PTPRF: variants seen among roughly 807,000 people sequenced by gnomAD.
The protein encoded by PTPRF is receptor-type tyrosine-protein phosphatase F.
A neutral mutation model predicts 201.8 loss-of-function variants in PTPRF; 59 were observed. That is an observed-to-expected ratio of 0.29 (90% CI 0.24 to 0.36). The LOEUF (loss-of-function observed/expected upper bound fraction) is 0.36. Ranked by LOEUF, PTPRF falls within the 10% of genes least tolerant of loss-of-function variation. The probability of loss-of-function intolerance (pLI) is 1.00; values close to 1 mark genes in which losing one functional copy is unlikely to be tolerated. For synonymous variants in PTPRF, 1,088 were observed against 1,089.7 expected, an observed-to-expected ratio of 1.00 and a Z score of 0.03; for missense variants, 2,132 against 2,690.5, an observed-to-expected ratio of 0.79 and a Z score of 4.59.
At chr1:43,552,792 C>T (rs976123903) in intron 3 of PTPRF, among the ~76,000 whole-genome samples, 4 of 151,958 alleles carry the variant, frequency 2.6e-5, no homozygotes, top group Non-Finnish European at 5.9e-5. Context: ...GTCTGAGCCC[C>T]TACCTTTCTT....
chr1:43,523,130 G>A (rs1402546370), upstream of PTPRF, among the ~76,000 whole-genome samples: 1 of 152,220 alleles, frequency 6.6e-6, no homozygotes, highest in Non-Finnish European at 1.5e-5. Context: ...TAGATGGACA[G>A]TGGGGCCACT....
chr1:43,544,802 C>T (rs6691004), intron 2 of PTPRF, among the ~76,000 whole-genome samples: 10,396 of 152,098 alleles, frequency 0.068, 729 homozygotes, highest in African/African-American at 0.18. Context: ...TCTCCCTCCA[C>T]CGTGACTGTT....
intron 20 of PTPRF, 45 bp downstream of exon 20, chr1:43,606,503 C>A (rs1253340348): frequency 2.6e-6 from 4 of 1,555,238 alleles, no homozygotes; most frequent in Admixed American, 1.7e-5. Flanking sequence ...ATTCCCTGGG[C>A]CTGGCCTGAG....
chr1:43,549,869 A>G (rs1644908165), intron 3 of PTPRF, among the ~76,000 whole-genome samples: 1 of 152,066 alleles, frequency 6.6e-6, no homozygotes. Context: ...TCTCAAAAAA[A>G]AAAAAGACTA....
At chr1:43,597,606 GC>G in intron 11 of PTPRF, 141 bp from the exon 12 acceptor site, 1 of 652,800 alleles carries the variant, frequency 1.5e-6, no homozygotes, top group Non-Finnish European at 2.6e-6. Context: ...GCAGCAGCCT[GC>G]CTGGAGGGAC....
At chr1:43,566,163 T>C (rs1031029075) in intron 5 of PTPRF, among the ~76,000 whole-genome samples, 1 of 152,042 alleles carries the variant, frequency 6.6e-6, no homozygotes, top group Non-Finnish European at 1.5e-5. Flanking sequence ...GCCGGCCCTC[T>C]CGCGCGCGGG....
intron 22 of PTPRF, among the ~76,000 whole-genome samples, chr1:43,612,166 A>G (rs1314420332): frequency 1.3e-5 from 2 of 152,134 alleles, no homozygotes; most frequent in Non-Finnish European, 2.9e-5. Context: ...TTAATGAGGT[A>G]GGGCAGTGGG....
intron 7 of PTPRF, among the ~76,000 whole-genome samples, chr1:43,587,237 C>A (rs1488024034): frequency 6.6e-6 from 1 of 152,130 alleles, no homozygotes; most frequent in Non-Finnish European, 1.5e-5. Context: ...TTTGTGCCAG[C>A]TGTTTGTGGA....
At chr1:43,606,592 G>A in intron 20 of PTPRF, 134 bp downstream of exon 20, 2 of 1,108,650 alleles carry the variant, frequency 1.8e-6, no homozygotes, top group Non-Finnish European at 2.6e-6. Context: ...CAGCACTAAA[G>A]ACCCAAGATC....
At chr1:43,531,123 T>TCCGCTCCCGTCCCTTCC (rs1553164654) in intron 1 of PTPRF, 33 bp downstream of exon 1, 1 of 12,674 alleles carries the variant, frequency 7.9e-5, no homozygotes, top group Admixed American at 6.5e-4. Context: ...ACCAGCCCCC[T>TCCGCTCCCGTCCCTTCC]CCGCTCCCGT....
chr1:43,605,073 C>T (rs1429633215), intron 17 of PTPRF, 73 bp downstream of exon 17: 2 of 1,585,394 alleles, frequency 1.3e-6, no homozygotes, highest in African/African-American at 1.3e-5. Flanking sequence ...CCAGTCCTAA[C>T]CCATGTGCAT....
At chr1:43,523,091 G>C (rs577991612), upstream of PTPRF, among the ~76,000 whole-genome samples, 9 of 152,294 alleles carry the variant, frequency 5.9e-5, no homozygotes, top group African/African-American at 2.2e-4. Flanking sequence ...TGCTCTGGAG[G>C]TAAAATGAAC....
intron 1 of PTPRF, among the ~76,000 whole-genome samples, chr1:43,532,104 G>C (rs985780358): frequency 3.3e-5 from 5 of 151,854 alleles, no homozygotes; most frequent in Admixed American, 2.6e-4. Flanking sequence ...CCTCTCCCTG[G>C]GTCTCTGTCT....
At chr1:43,620,613 G>C in intron 31 of PTPRF, 34 bp downstream of exon 31, 5 of 1,605,436 alleles carry the variant, frequency 3.1e-6, no homozygotes, top group Non-Finnish European at 3.4e-6. Context: ...CCATAACGCT[G>C]CCTGTCCACA....
In PTPRF at chr1:43,605,403, G is replaced by A. The variant is rs372991117; in HGVS notation, c.3349G>A (p.Asp1117Asn). 34 of 1,613,430 alleles carry A rather than the reference G, an allele frequency of 2.1e-5. No homozygotes were observed. Among genetic ancestry groups the A allele is most frequent in the African/African-American group, 1.3e-4 (10 of 74,930 alleles). Residue 1117 changes from aspartate (D) to asparagine (N), a missense_variant, in exon 18 of 34, where the codon GAT (aspartate) becomes AAT (asparagine). Asp to Asn is a conservative substitution (Grantham distance 23). Coordinates refer to ENST00000359947, the MANE Select transcript of PTPRF (RefSeq NM_002840.5). The stretch of plus-strand genomic sequence containing the variant: ...TGCCTACATAGAGGACGGCCGCTTC[G>A]ATCTCTCCATGCCCCATGTGCAAGA... The part of the protein sequence containing the change: ...ASAYIEDGRF[D>N]LSMPHVQDPS...
chr1:43,620,231 C>T lies in PTPRF; in HGVS notation c.5238+10C>T, dbSNP rs766565000. On this transcript the variant is annotated intron_variant, in intron 30 of 33. Transcript: ENST00000359947. ...TCGGGAGATGGGCAGGGTGAGCCCA[C>T]CCTTTCCCCCAGGGCCCCTGTCATA... 5.0e-6 allele frequency: 8 copies of T among 1,613,588 alleles called. No homozygotes were observed. The highest frequency in any genetic ancestry group is 6.8e-6 in the Non-Finnish European group (8 of 1,179,688).
At chr1:43,606,185 G>C (rs1298839251) in intron 19 of PTPRF, 55 bp from the exon 20 acceptor site, 1 of 1,558,914 alleles carries the variant, frequency 6.4e-7, no homozygotes, top group African/African-American at 1.4e-5. Context: ...CACAGCCTCA[G>C]GGCTGGCCGG....
Position 43,604,946 on chromosome 1 carries a change from T to A in PTPRF, c.3081T>A (p.Ser1027=). 6.2e-7 allele frequency: 1 copy of A among 1,614,224 alleles called. No homozygotes were observed. The part of the protein sequence containing the change: ...NFRVAAAMKT[S]VLLSWEVPDS... ...GGGTGGCGGCTGCAATGAAGACGTC[T>A]GTGCTGCTCAGCTGGGAGGTTCCCG... The change falls in exon 17 of 34, where the codon TCT becomes TCA. Residue 1027 remains serine (S), a synonymous_variant. Coordinates refer to ENST00000359947, the MANE Select transcript of PTPRF (RefSeq NM_002840.5).
chr1:43,617,242 G>A (rs1658091007), intron 23 of PTPRF, among the ~76,000 whole-genome samples: 1 of 152,054 alleles, frequency 6.6e-6, no homozygotes. Flanking sequence ...ATGGTCAGAG[G>A]AGTCCCCAGT....
Sources: gnomAD v4.1 joint callset for allele counts (sites outside exome capture counted in the v4.1 genomes callset) on GRCh38, gnomAD v4.1.1 for gene constraint, MANE v1.5 for transcripts, NCBI Gene and HGNC (gene_info 2026-07-23, HGNC 2026-07-21) for gene names.